The following RBFOX2 variants were observed in gnomAD, a reference collection of about 807,000 sequenced individuals.
The protein encoded by RBFOX2 is RNA binding protein fox-1 homolog 2.
A neutral mutation model predicts 49.1 loss-of-function variants in RBFOX2; 10 were observed. That is an observed-to-expected ratio of 0.20 (90% CI 0.13 to 0.35). The LOEUF (loss-of-function observed/expected upper bound fraction) is 0.35. Ranked by LOEUF, RBFOX2 falls within the 10% of genes least tolerant of loss-of-function variation. The probability of loss-of-function intolerance (pLI) is 1.00; values close to 1 mark genes in which losing one functional copy is unlikely to be tolerated. For missense variants in RBFOX2, 323 were observed against 486.9 expected (o/e 0.66, Z 3.17); for synonymous variants, 183 against 187.4 (o/e 0.98, Z 0.19).
At position 35,872,377 on chromosome 22, in the gene RBFOX2, T is replaced by C. The variant is rs147256287; in HGVS notation, c.-33-62373A>G. Among the ~76,000 whole-genome samples, 41 of 152,292 alleles carry C rather than the reference T, an allele frequency of 2.7e-4. No individual in the cohort carries two copies. The East Asian group carries it at 7.7e-3, about 29-fold the overall frequency. ...GGGTGCTCTTTTAGTTTGCCGTCTATAGGCGACTTGTGTTAATCAGCTCAA... is the reference window on the plus strand; with the variant it reads ...GGGTGCTCTTTTAGTTTGCCGTCTACAGGCGACTTGTGTTAATCAGCTCAA... On this transcript the variant is annotated intron_variant, in intron 1 of 13. Transcript: ENST00000359369.
chr22:36,022,797 C>A (rs2059294362), intron 1 of RBFOX2, among the ~76,000 whole-genome samples: 1 of 152,070 alleles, frequency 6.6e-6, no homozygotes, highest in African/African-American at 2.4e-5. Flanking sequence ...GACTCTCTCT[C>A]CCCCAGGGCA....
At chr22:35,835,360 A>C (rs929696227) in intron 1 of RBFOX2, among the ~76,000 whole-genome samples, 1 of 152,164 alleles carries the variant, frequency 6.6e-6, no homozygotes, top group Non-Finnish European at 1.5e-5. Flanking sequence ...GTCTACCATA[A>C]ACAGATGTCC....
intron 1 of RBFOX2, among the ~76,000 whole-genome samples, chr22:35,863,921 T>C (rs944578969): frequency 6.6e-6 from 1 of 152,190 alleles, no homozygotes; most frequent in Non-Finnish European, 1.5e-5. Flanking sequence ...CATGCATATA[T>C]ACAATTACTC....
chr22:35,955,527 G>A (rs1004136396), intron 1 of RBFOX2, among the ~76,000 whole-genome samples: 3 of 151,654 alleles, frequency 2.0e-5, no homozygotes, highest in Admixed American at 1.3e-4. Flanking sequence ...TGGTTTCATG[G>A]GAGATAATTT....
intron 9 of RBFOX2, chr22:35,756,144 A>G: frequency 1.3e-6 from 2 of 1,499,626 alleles, no homozygotes; most frequent in Non-Finnish European, 9.0e-7. Flanking sequence ...GGTAAACCAC[A>G]CTGCAGAAAA....
At chr22:35,825,961 AAG>A (rs1955594937) in intron 1 of RBFOX2, among the ~76,000 whole-genome samples, 1 of 148,470 alleles carries the variant, frequency 6.7e-6, no homozygotes. Flanking sequence ...CAGCCTGGGC[AAG>A]ACAGTGAGAC....
intron 1 of RBFOX2, among the ~76,000 whole-genome samples, chr22:35,895,015 C>A (rs1435751229): frequency 2.6e-5 from 4 of 151,884 alleles, no homozygotes; most frequent in Non-Finnish European, 4.4e-5. Context: ...CTCCTCCCCC[C>A]TCCGCTCCAG....
chr22:35,853,793 G>A (rs1030406245), intron 1 of RBFOX2, among the ~76,000 whole-genome samples: 10 of 151,232 alleles, frequency 6.6e-5, no homozygotes, highest in African/African-American at 1.9e-4. Flanking sequence ...ATTTCCAATC[G>A]TTCATACACA....
At chr22:35,919,938 A>G (rs867377352) in intron 1 of RBFOX2, among the ~76,000 whole-genome samples, 2 of 152,080 alleles carry the variant, frequency 1.3e-5, no homozygotes, top group Non-Finnish European at 2.9e-5. Flanking sequence ...CTTCAAGTCC[A>G]CCTCCACTCT....
chr22:36,025,862 G>C (rs1357879599), intron 1 of RBFOX2, among the ~76,000 whole-genome samples: 1 of 152,062 alleles, frequency 6.6e-6, no homozygotes, highest in Non-Finnish European at 1.5e-5. Flanking sequence ...GGAAAACAGA[G>C]GCCCCAAAAT....
At chr22:35,983,484 T>A (rs1280904065) in intron 1 of RBFOX2, among the ~76,000 whole-genome samples, 1 of 152,218 alleles carries the variant, frequency 6.6e-6, no homozygotes, top group African/African-American at 2.4e-5. Flanking sequence ...TAATAATTAC[T>A]TTTAGGAGAT....
intron 1 of RBFOX2, among the ~76,000 whole-genome samples, chr22:35,914,702 T>C (rs943299232): frequency 2.0e-5 from 3 of 152,228 alleles, no homozygotes; most frequent in Non-Finnish European, 4.4e-5. Context: ...CTGAAATCCA[T>C]TCCTCTACGT....
intron 1 of RBFOX2, among the ~76,000 whole-genome samples, chr22:35,904,473 A>G (rs1015961902): frequency 3.3e-5 from 5 of 152,202 alleles, no homozygotes; most frequent in Non-Finnish European, 5.9e-5. Context: ...TGTCTAACCA[A>G]GTCCTATAAA....
intron 1 of RBFOX2, among the ~76,000 whole-genome samples, chr22:35,907,394 G>A (rs544681537): frequency 6.6e-6 from 1 of 152,292 alleles, no homozygotes; most frequent in East Asian, 1.9e-4. Flanking sequence ...GTGGAAAGGG[G>A]GAAATGATGG....
intron 4 of RBFOX2, chr22:35,777,730 C>T (rs562103854): frequency 9.0e-6 from 3 of 331,526 alleles, no homozygotes; most frequent in Non-Finnish European, 1.6e-5. Context: ...AAGCTGAGGC[C>T]GAATTTAAGG....
chr22:35,844,916 T>C (rs1224873656), upstream of RBFOX2, among the ~76,000 whole-genome samples: 3 of 152,080 alleles, frequency 2.0e-5, no homozygotes. Flanking sequence ...TAGTTCAGAT[T>C]CTAGACAAAA....
chr22:35,821,474 C>T (rs1954460385), intron 1 of RBFOX2, among the ~76,000 whole-genome samples: 1 of 151,690 alleles, frequency 6.6e-6, no homozygotes, highest in Non-Finnish European at 1.5e-5. Flanking sequence ...AGGACACCTG[C>T]AATCCCAGCT....
intron 6 of RBFOX2, among the ~76,000 whole-genome samples, chr22:35,764,282 A>C (rs1318099088): frequency 6.6e-6 from 1 of 152,076 alleles, no homozygotes; most frequent in African/African-American, 2.4e-5. Flanking sequence ...AGTGGGTTCA[A>C]ACTTTTTAAA....
intron 1 of RBFOX2, among the ~76,000 whole-genome samples, chr22:35,970,494 AAC>A (rs1556494263): frequency 2.6e-5 from 4 of 151,066 alleles, no homozygotes; most frequent in African/African-American, 7.4e-5. Flanking sequence ...AAAAAAAAAA[AAC>A]ACACACACTC....
Sources: allele counts gnomAD v4.1 joint callset (sites outside exome capture counted in the v4.1 genomes callset), GRCh38; gene constraint gnomAD v4.1.1; transcripts MANE v1.5; gene names NCBI Gene and HGNC (gene_info 2026-07-23, HGNC 2026-07-21).